Variants in ZNF382 observed in about 807,000 individuals in gnomAD.
ZNF382 encodes KRAB/zinc finger suppressor protein 1.
ZNF382 carries 20 observed loss-of-function variants against 38.8 expected under a neutral mutation model. The ratio of observed to expected loss-of-function variants is 0.51; its 90% CI spans 0.36 to 0.75. The LOEUF is 0.75. Among genes scored for constraint, ZNF382 ranks in the 30% least tolerant of loss-of-function variants. The probability of loss-of-function intolerance (pLI) is 0.00; values close to 1 mark genes in which losing one functional copy is unlikely to be tolerated. For missense variants in ZNF382, 546 were observed against 654.1 expected (o/e 0.83, Z 1.80); for synonymous variants, 202 against 223.1 (o/e 0.91, Z 0.84).
At chr19:36,618,781 TAATCC>T (rs1380881163) in intron 4 of ZNF382, among the ~76,000 whole-genome samples, 1 of 152,186 alleles carries the variant, frequency 6.6e-6, no homozygotes, top group Non-Finnish European at 1.5e-5. Context: ...TTCATGTCTG[TAATCC>T]CAGCACTTTG....
rs774588565 is a variant in ZNF382 at position 36,626,496 on chromosome 19, T to TTCA, written c.600_602dup (p.Ile200_Gln201insHis). On this transcript the variant is annotated inframe_insertion, in exon 5 of 5. Transcript: ENST00000292928. ...GTTCTCAGTGGTAAACAGGAGCTTA[T>TTCA]TCAGCATCAGAAGGTTCAAGCTCCA... 147 of 1,604,384 alleles carry TTCA rather than the reference T, an allele frequency of 9.2e-5. 1 individual carries two copies. The highest frequency in any genetic ancestry group is 8.3e-4 in the Middle Eastern group (5 of 6,006).
At chr19:36,625,596 G>A (rs2037206192) in intron 4 of ZNF382, among the ~76,000 whole-genome samples, 1 of 140,174 alleles carries the variant, frequency 7.1e-6, no homozygotes, top group East Asian at 2.1e-4. Flanking sequence ...TTTCGCTCTT[G>A]TTGCCCAGGC....
In ZNF382 at chr19:36,630,454, C is replaced by G. The variant is rs2037247276; in HGVS notation, c.*2904C>G. The G allele has an allele frequency of 6.6e-6, 1 of 151,172 alleles. No individual in the cohort carries two copies. Among genetic ancestry groups the G allele is most frequent in the African/African-American group, 2.4e-5 (1 of 41,072 alleles). The allele number at this position is 151,172 out of a possible 1,614,324, so 9.4% of individuals were successfully genotyped here. A position where few individuals can be genotyped will look rare whatever the true frequency, so the allele number is the denominator to read the frequency against. ...GGCTCATTGCAACCTCTACCTCAAG[C>G]AATTCTCCTGCCTCAGCCTCCCAAG... On this transcript the variant is annotated 3_prime_UTR_variant, in exon 5 of 5. Transcript: ENST00000292928.
Position 36,626,564 on chromosome 19 carries a change from A to G in ZNF382, c.667A>G (p.Met223Val), listed in dbSNP as rs1419855572. 3.7e-6 allele frequency: 6 copies of G among 1,613,638 alleles called. No homozygotes were observed. The highest frequency in any genetic ancestry group is 5.1e-6 in the Non-Finnish European group (6 of 1,179,926). ...TAATGAATGTGAAAAATCCTTCCTG[A>G]TGAAAGGAATGCTATTTACACATAC... ...DHNECEKSFLMKGMLFTHTRA... is the reference protein window; with the variant it reads ...DHNECEKSFLVKGMLFTHTRA... The change falls in exon 5 of 5, where the codon ATG (methionine) becomes GTG (valine). Residue 223 changes from methionine to valine, a missense_variant. By Grantham distance (21) the Met-to-Val change is conservative. Coordinates refer to ENST00000292928, the MANE Select transcript of ZNF382 (RefSeq NM_032825.5).
intron 4 of ZNF382, among the ~76,000 whole-genome samples, chr19:36,619,648 G>A (rs1032607444): frequency 6.6e-6 from 1 of 152,180 alleles, no homozygotes; most frequent in Non-Finnish European, 1.5e-5. Context: ...GTGTCTCAAC[G>A]TTGAAAGCAA....
At chr19:36,615,230 C>T (rs1032036832) in intron 4 of ZNF382, among the ~76,000 whole-genome samples, 8 of 151,926 alleles carry the variant, frequency 5.3e-5, no homozygotes, top group South Asian at 4.1e-4. Context: ...TCAGGTGATC[C>T]GCCACAGCCT....
At chr19:36,614,105 C>T (rs1243505731) in intron 4 of ZNF382, among the ~76,000 whole-genome samples, 4 of 151,516 alleles carry the variant, frequency 2.6e-5, no homozygotes, top group Non-Finnish European at 4.4e-5. Context: ...TTTGGGAGGC[C>T]GAGGCGGGCG....
At chr19:36,618,981 G>A (rs916751625) in intron 4 of ZNF382, among the ~76,000 whole-genome samples, 26 of 152,166 alleles carry the variant, frequency 1.7e-4, no homozygotes, top group Admixed American at 6.5e-4. Context: ...GAGGTAGATC[G>A]CGCCACTGCA....
rs147828642 is a variant in ZNF382, at chr19:36,606,607, C to T, written c.-84-945C>T. The stretch of plus-strand genomic sequence containing the variant: ...CTGACCTCAAGTGATCCCCTCCCCC[C>T]GCCCCCTCGGCCTGCCAAAGTACTG... On this transcript the variant is annotated intron_variant, in intron 1 of 4. Coordinates refer to ENST00000292928, the MANE Select transcript of ZNF382 (RefSeq NM_032825.5). Among the ~76,000 whole-genome samples the T allele has an allele frequency of 2.5e-4, 36 of 144,446 alleles. No individual in the cohort carries two copies. The East Asian group carries it at 4.6e-3, about 18-fold the overall frequency. The allele number at this position is 144,446 out of a possible 152,430, so 94.8% of individuals were successfully genotyped here. A position where few individuals can be genotyped will look rare whatever the true frequency, so the allele number is the denominator to read the frequency against.
chr19:36,618,479 G>A (rs1314661991), intron 4 of ZNF382, among the ~76,000 whole-genome samples: 1 of 152,166 alleles, frequency 6.6e-6, no homozygotes, highest in Non-Finnish European at 1.5e-5. Context: ...TCAAGTTAGG[G>A]TAGCTCTGAA....
intron 4 of ZNF382, among the ~76,000 whole-genome samples, chr19:36,615,384 T>C (rs1423357604): frequency 6.6e-6 from 1 of 152,242 alleles, no homozygotes; most frequent in Admixed American, 6.5e-5. Context: ...AATTATCTGC[T>C]ACATACTAGC....
intron 4 of ZNF382, among the ~76,000 whole-genome samples, chr19:36,619,393 G>A (rs939496304): frequency 1.3e-5 from 2 of 152,210 alleles, no homozygotes; most frequent in African/African-American, 4.8e-5. Context: ...TGTGTGTCTT[G>A]TTCCGATGCT....
intron 2 of ZNF382, 143 bp downstream of exon 2, chr19:36,607,765 A>C: frequency 1.2e-6 from 1 of 861,928 alleles, no homozygotes; most frequent in Non-Finnish European, 1.7e-6. Context: ...AGGCTGAGGC[A>C]GGCAAGTGGC....
intron 4 of ZNF382, among the ~76,000 whole-genome samples, chr19:36,613,052 A>G (rs1297701699): frequency 6.6e-6 from 1 of 152,110 alleles, no homozygotes; most frequent in Non-Finnish European, 1.5e-5. Flanking sequence ...TGGCCTCCCA[A>G]AGTGCTGGGA....
chr19:36,607,207 C>T (rs1164993600), intron 1 of ZNF382, among the ~76,000 whole-genome samples: 2 of 152,016 alleles, frequency 1.3e-5, no homozygotes, highest in Non-Finnish European at 2.9e-5. Flanking sequence ...TGTAAATTGG[C>T]AAAAAGTCCA....
At chr19:36,622,939 G>GT (rs890292297) in intron 4 of ZNF382, among the ~76,000 whole-genome samples, 2 of 151,946 alleles carry the variant, frequency 1.3e-5, no homozygotes, top group African/African-American at 4.8e-5. Context: ...GTCTATTTCT[G>GT]TTTTTTATGC....
At chr19:36,621,151 G>T (rs926496151) in intron 4 of ZNF382, among the ~76,000 whole-genome samples, 7 of 151,908 alleles carry the variant, frequency 4.6e-5, no homozygotes, top group African/African-American at 1.5e-4. Context: ...CATCATCTCT[G>T]TTATACTTTC....
rs2037244759 is a variant in ZNF382, at chr19:36,630,220, ATC to A, written c.*2672_*2673del. 6.6e-6 allele frequency: 1 copy of A among 152,194 alleles called. No individual in the cohort carries two copies. Among genetic ancestry groups the A allele is most frequent in the South Asian group, 2.1e-4 (1 of 4,828 alleles). 9.4% of individuals were successfully genotyped at this position (152,194 alleles called of 1,614,324 possible). The stretch of plus-strand genomic sequence containing the variant: ...CCCAAAAGAAAGGCAGGATAATGCG[ATC>A]TATCCTCAAAAGACCCCGTGCTGTC... On this transcript the variant is annotated 3_prime_UTR_variant, in exon 5 of 5. Transcript: ENST00000292928.
chr19:36,625,127 T>TATATATATATATATAA (rs1305998638), intron 4 of ZNF382, among the ~76,000 whole-genome samples: 1 of 132,160 alleles, frequency 7.6e-6, no homozygotes, highest in Admixed American at 7.7e-5. Context: ...TATATATATA[T>TATATATATATATATAA]AATGTATACA....
Sources: allele counts gnomAD v4.1 joint callset (sites outside exome capture counted in the v4.1 genomes callset), GRCh38; gene constraint gnomAD v4.1.1; transcripts MANE v1.5; gene names NCBI Gene and HGNC (gene_info 2026-07-23, HGNC 2026-07-21).